Variants in TMUB2 observed in about 807,000 individuals in gnomAD.
TMUB2 encodes the protein transmembrane and ubiquitin like domain containing 2.
TMUB2 carries 19 observed loss-of-function variants against 20.2 expected under a neutral mutation model. The ratio of observed to expected loss-of-function variants is 0.94; its 90% CI spans 0.66 to 1.38. The LOEUF is 1.38. Ranked by LOEUF, TMUB2 falls within the 40% of genes most tolerant of loss-of-function variation. The probability of loss-of-function intolerance (pLI) is 0.00; values close to 1 mark genes in which losing one functional copy is unlikely to be tolerated. For missense variants in TMUB2, 426 were observed against 402.5 expected (o/e 1.06, Z -0.50); for synonymous variants, 186 against 166.0 (o/e 1.12, Z -0.92).
Position 44,191,721 on chromosome 17 carries a change from G to T in TMUB2, c.*857G>T, listed in dbSNP as rs2055623624. On this transcript the variant is annotated 3_prime_UTR_variant, in exon 4 of 4. Coordinates refer to ENST00000538716, the MANE Select transcript of TMUB2 (RefSeq NM_001076674.3). ...CTGTGACTGAATAAAGTTCCATTTT[G>T]TGGTCCTGCAGCCTCTTTCTGTGAC... is the stretch of plus-strand genomic sequence containing the variant. 3.0e-6 allele frequency: 3 copies of T among 985,574 alleles called. No individual in the cohort carries two copies. The highest frequency in any genetic ancestry group is 1.2e-4 in the Admixed American group (2 of 16,262). The allele number at this position is 985,574 out of a possible 1,614,324, so 61.1% of individuals were successfully genotyped here.
At chr17:44,188,768 T>G in intron 2 of TMUB2, 3 of 446,358 alleles carry the variant, frequency 6.7e-6, no homozygotes, top group East Asian at 3.8e-5. Flanking sequence ...TCCACACTCA[T>G]TGGGAAGTTG....
In TMUB2 at chr17:44,190,644, T is replaced by G; in HGVS notation, c.746T>G (p.Val249Gly). ...HCHRSPPGSAVPGPSASLAPS... is the reference protein window; with the variant it reads ...HCHRSPPGSAGPGPSASLAPS... ...CACCGCTCACCCCCAGGGTCAGCTG[T>G]TCCAGGCCCCTCAGCCTCCTTGGCC... The change falls in exon 4 of 4, where the codon GTT (valine) becomes GGT (glycine). Residue 249 changes from valine to glycine, a missense_variant. Val to Gly is a moderately radical substitution (Grantham distance 109). Coordinates refer to ENST00000538716, the MANE Select transcript of TMUB2 (RefSeq NM_001076674.3). The G allele has an allele frequency of 1.9e-6, 3 of 1,614,238 alleles. No homozygotes were observed.
In TMUB2 at chr17:44,189,580, C is replaced by T. The variant is rs757154046; in HGVS notation, c.594C>T (p.Ala198=). 1 of 1,584,328 alleles carries T rather than the reference C, an allele frequency of 6.3e-7. No homozygotes were observed. The highest frequency in any genetic ancestry group is 8.6e-7 in the Non-Finnish European group (1 of 1,163,894). The change falls in exon 3 of 4, where the codon GCC becomes GCT. Residue 198 remains alanine (A), a synonymous_variant. Coordinates refer to ENST00000538716, the MANE Select transcript of TMUB2 (RefSeq NM_001076674.3). ...AVARPEDTVG[A]LKSKYFPGQE... is the part of the protein sequence containing the mutation. ...CTAGGCCAGAGGATACCGTGGGTGC[C>T]CTGAAGAGGTGAGTGGCCTGGGAAG... is the stretch of plus-strand genomic sequence containing the variant.
At position 44,190,997 on chromosome 17, in the gene TMUB2, CAGG is replaced by C; in HGVS notation, c.*137_*139del. On this transcript the variant is annotated 3_prime_UTR_variant, in exon 4 of 4. Transcript: ENST00000538716. Reference sequence around the variant, plus strand: ...TGATGGAAATCTCCTCCATAGGACACAGGAGGCAAGTATGCGGCCTCCCCTTCT... The same window carrying C: ...TGATGGAAATCTCCTCCATAGGACACAGGCAAGTATGCGGCCTCCCCTTCT... 6.7e-7 allele frequency: 1 copy of C among 1,488,250 alleles called. No individual in the cohort carries two copies. The highest frequency in any genetic ancestry group is 8.9e-7 in the Non-Finnish European group (1 of 1,127,614). 92.2% of individuals were successfully genotyped at this position (1,488,250 alleles called of 1,614,324 possible).
Position 44,191,541 on chromosome 17 carries a change from G to T in TMUB2, c.*677G>T. On this transcript the variant is annotated 3_prime_UTR_variant, in exon 4 of 4. Coordinates refer to ENST00000538716, the MANE Select transcript of TMUB2 (RefSeq NM_001076674.3). ...AAGCCAAGCCCCCAGCATTGGGAGC[G>T]GCCAGGCCACAGCTGCTGCTCCCGT... 1 of 986,032 alleles carries T rather than the reference G, an allele frequency of 1.0e-6. No homozygotes were observed. Among genetic ancestry groups the T allele is most frequent in the Non-Finnish European group, 1.2e-6 (1 of 830,092 alleles). The allele number at this position is 986,032 out of a possible 1,614,324, so 61.1% of individuals were successfully genotyped here. A position where few individuals can be genotyped will look rare whatever the true frequency, so the allele number is the denominator to read the frequency against.
intron 2 of TMUB2, chr17:44,188,116 A>C: frequency 4.5e-6 from 1 of 222,360 alleles, no homozygotes; most frequent in Non-Finnish European, 9.1e-6. Context: ...CAGATTCTCC[A>C]AGGGAAATAG....
chr17:44,191,446 T>G lies in TMUB2; in HGVS notation c.*582T>G. 2 of 986,028 alleles carry G rather than the reference T, an allele frequency of 2.0e-6. No individual in the cohort carries two copies. The highest frequency in any genetic ancestry group is 2.4e-6 in the Non-Finnish European group (2 of 830,070). The allele number at this position is 986,028 out of a possible 1,614,324, so 61.1% of individuals were successfully genotyped here. A position where few individuals can be genotyped will look rare whatever the true frequency, so the allele number is the denominator to read the frequency against. Reference sequence around the variant, plus strand: ...GGTGTCCTCCCTTCTTTCAAAGCACTTTGCTTGCATTTTATTTTATTTTTT... The same window carrying G: ...GGTGTCCTCCCTTCTTTCAAAGCACGTTGCTTGCATTTTATTTTATTTTTT... On this transcript the variant is annotated 3_prime_UTR_variant, in exon 4 of 4. Coordinates refer to ENST00000538716, the MANE Select transcript of TMUB2 (RefSeq NM_001076674.3).
intron 2 of TMUB2, 104 bp from the exon 3 acceptor site, chr17:44,188,918 T>A (rs2054901893): frequency 4.8e-6 from 1 of 208,720 alleles, no homozygotes; most frequent in Admixed American, 6.7e-5. Context: ...ACTGAACTCC[T>A]TTTTTTTTTT....
chr17:44,189,751 G>A (rs186589412), intron 3 of TMUB2, 163 bp downstream of exon 3: 3 of 642,588 alleles, frequency 4.7e-6, no homozygotes, highest in East Asian at 3.0e-5. Flanking sequence ...CAGGCCGGGT[G>A]CAGTGGCTCC....
intron 3 of TMUB2, 149 bp downstream of exon 3, chr17:44,189,737 C>T: frequency 2.7e-6 from 2 of 732,018 alleles, no homozygotes; most frequent in Non-Finnish European, 4.2e-6. Context: ...AGAAATACAC[C>T]CTTCAGGCCG....
Position 44,191,914 on chromosome 17 carries a change from A to G in TMUB2, c.*1050A>G, listed in dbSNP as rs1297082959. 2 of 204,302 alleles carry G rather than the reference A, an allele frequency of 9.8e-6. No individual in the cohort carries two copies. The highest frequency in any genetic ancestry group is 1.7e-5 in the Non-Finnish European group (2 of 115,462). The allele number at this position is 204,302 out of a possible 1,614,324, so 12.7% of individuals were successfully genotyped here. On this transcript the variant is annotated 3_prime_UTR_variant, in exon 4 of 4. Coordinates refer to ENST00000538716, the MANE Select transcript of TMUB2 (RefSeq NM_001076674.3). ...CAGAATGGATTACATATGCAAAAAT[A>G]AAAATCTCAAGACCACAGGACAGCG...
In TMUB2 at chr17:44,190,962, G is replaced by A; in HGVS notation, c.*98G>A. Reference sequence around the variant, plus strand: ...GCCCAAGGGCCGGGGAGGGAGGGGTGGAAAGGATGTGATGGAAATCTCCTC... The same window carrying A: ...GCCCAAGGGCCGGGGAGGGAGGGGTAGAAAGGATGTGATGGAAATCTCCTC... On this transcript the variant is annotated 3_prime_UTR_variant, in exon 4 of 4. Transcript: ENST00000538716. The A allele has an allele frequency of 6.6e-7, 1 of 1,509,658 alleles. No individual in the cohort carries two copies. The highest frequency in any genetic ancestry group is 8.8e-7 in the Non-Finnish European group (1 of 1,137,236). The allele number at this position is 1,509,658 out of a possible 1,614,324, so 93.5% of individuals were successfully genotyped here.
At position 44,191,522 on chromosome 17, in the gene TMUB2, AG is replaced by A; in HGVS notation, c.*659del. 6.1e-6 allele frequency: 6 copies of A among 985,944 alleles called. No homozygotes were observed. Among genetic ancestry groups the A allele is most frequent in the Non-Finnish European group, 7.2e-6 (6 of 830,048 alleles). The allele number at this position is 985,944 out of a possible 1,614,324, so 61.1% of individuals were successfully genotyped here. A position where few individuals can be genotyped will look rare whatever the true frequency, so the allele number is the denominator to read the frequency against. On this transcript the variant is annotated 3_prime_UTR_variant, in exon 4 of 4. Coordinates refer to ENST00000538716, the MANE Select transcript of TMUB2 (RefSeq NM_001076674.3). ...AGGAAGGGGATGGGGCACCAAGCCA[AG>A]CCCCCAGCATTGGGAGCGGCCAGGC... is the stretch of plus-strand genomic sequence containing the variant.
rs918808184 is a variant in TMUB2, at chr17:44,190,990, T to C, written c.*126T>C. The stretch of plus-strand genomic sequence containing the variant: ...AAGGATGTGATGGAAATCTCCTCCA[T>C]AGGACACAGGAGGCAAGTATGCGGC... On this transcript the variant is annotated 3_prime_UTR_variant, in exon 4 of 4. Transcript: ENST00000538716. 68 of 1,495,314 alleles carry C rather than the reference T, an allele frequency of 4.5e-5. No individual in the cohort carries two copies. Among genetic ancestry groups the C allele is most frequent in the South Asian group, 2.3e-4 (17 of 73,376 alleles). The allele number at this position is 1,495,314 out of a possible 1,614,324, so 92.6% of individuals were successfully genotyped here. A position where few individuals can be genotyped will look rare whatever the true frequency, so the allele number is the denominator to read the frequency against.
Position 44,191,758 on chromosome 17 carries a change from T to C in TMUB2, c.*894T>C. The C allele has an allele frequency of 3.0e-6, 3 of 985,256 alleles. No individual in the cohort carries two copies. Among genetic ancestry groups the C allele is most frequent in the East Asian group, 1.1e-4 (1 of 8,788 alleles). The allele number at this position is 985,256 out of a possible 1,614,324, so 61.0% of individuals were successfully genotyped here. A position where few individuals can be genotyped will look rare whatever the true frequency, so the allele number is the denominator to read the frequency against. ...CCTCTTTCTGTGACAGAGAATGGCT[T>C]TGCGCTGCCCCCAGGAAAATGGTAA... On this transcript the variant is annotated 3_prime_UTR_variant, in exon 4 of 4. Transcript: ENST00000538716.
In TMUB2 at chr17:44,191,012, C is replaced by T. The variant is rs930256331; in HGVS notation, c.*148C>T. On this transcript the variant is annotated 3_prime_UTR_variant, in exon 4 of 4. Transcript: ENST00000538716. ...CCATAGGACACAGGAGGCAAGTATG[C>T]GGCCTCCCCTTCTCATCCACAGGAG... 1.3e-5 allele frequency: 19 copies of T among 1,466,084 alleles called. No individual in the cohort carries two copies. The highest frequency in any genetic ancestry group is 7.1e-5 in the East Asian group (3 of 42,442). 90.8% of individuals were successfully genotyped at this position (1,466,084 alleles called of 1,614,324 possible). A position where few individuals can be genotyped will look rare whatever the true frequency, so the allele number is the denominator to read the frequency against.
chr17:44,188,824 C>T, intron 2 of TMUB2, 198 bp from the exon 3 acceptor site: 2 of 852,744 alleles, frequency 2.3e-6, no homozygotes, highest in South Asian at 5.5e-5. Context: ...AAGAGTTTCA[C>T]AATAGAGGCA....
In TMUB2 at chr17:44,190,872, G is replaced by A. The variant is rs958959022; in HGVS notation, c.*8G>A. ...GGGATGTATGGACGATAAGGACATAGGAAGAAAATGAAAGGCATGGTCTTT... is the reference window on the plus strand; with the variant it reads ...GGGATGTATGGACGATAAGGACATAAGAAGAAAATGAAAGGCATGGTCTTT... On this transcript the variant is annotated 3_prime_UTR_variant, in exon 4 of 4. Transcript: ENST00000538716. 8 of 1,594,100 alleles carry A rather than the reference G, an allele frequency of 5.0e-6. No individual in the cohort carries two copies. Among genetic ancestry groups the A allele is most frequent in the Admixed American group, 1.7e-5 (1 of 57,870 alleles).
chr17:44,190,765 A>C lies in TMUB2; in HGVS notation c.867A>C (p.Arg289=). 6.2e-7 allele frequency: 1 copy of C among 1,614,102 alleles called. No individual in the cohort carries two copies. Among genetic ancestry groups the C allele is most frequent in the East Asian group, 2.2e-5 (1 of 44,880 alleles). Residue 289 remains arginine, a synonymous_variant, in exon 4 of 4, where the codon CGA becomes CGC. Transcript: ENST00000538716. ...TGTTGGGTGTGGTCTGGTACTTCCG[A>C]ATCAATTACCGCCAATTCTTCACAG... ...VVLLGVVWYF[R]INYRQFFTAP... is the part of the protein sequence containing the mutation.
Sources: gnomAD v4.1 joint callset for allele counts on GRCh38, gnomAD v4.1.1 for gene constraint, MANE v1.5 for transcripts, NCBI Gene and HGNC (gene_info 2026-07-23, HGNC 2026-07-21) for gene names.